The following PCDH15 variants were observed in gnomAD, a reference collection of about 807,000 sequenced individuals.
PCDH15 encodes the protein protocadherin related 15.
A neutral mutation model predicts 178.5 loss-of-function variants in PCDH15; 129 were observed. That is an observed-to-expected ratio of 0.72 (90% CI 0.63 to 0.84). The LOEUF is 0.84. Ranked by LOEUF, PCDH15 falls within the 40% of genes least tolerant of loss-of-function variation. The pLI, the probability that PCDH15 is intolerant of heterozygous loss-of-function variation, is 0.00. For missense variants in PCDH15, 2,230 were observed against 2,099.9 expected, an observed-to-expected ratio of 1.06 and a Z score of -1.21; for synonymous variants, 800 against 732.0, an observed-to-expected ratio of 1.09 and a Z score of -1.50.
In PCDH15 at chr10:55,231,911, A is replaced by G. The variant is rs944988295; in HGVS notation, c.-155-65260T>C. 1.5e-3 allele frequency among the ~76,000 whole-genome samples: 231 copies of G among 152,110 alleles called. 1 individual carries two copies. The highest frequency in any genetic ancestry group is 5.4e-3 in the African/African-American group (224 of 41,500). On this transcript the variant is annotated intron_variant, in intron 1 of 5. Transcript: ENST00000458638. ...GTAGAGGAATAAAATAATTTCTATA[A>G]TAAGATTAATAATAGGAAGGGTAAT...
At position 55,179,492 on chromosome 10, in the gene PCDH15, G is replaced by T. The variant is rs1249702796; in HGVS notation, c.-155-12841C>A. On this transcript the variant is annotated intron_variant, in intron 1 of 5. Coordinates refer to the PCDH15 transcript ENST00000458638. ...CTCCCTCAATTTGTTCCTTCTCGATGATACCTTTTAACCAAACTTTTTCCA... is the reference window on the plus strand; with the variant it reads ...CTCCCTCAATTTGTTCCTTCTCGATTATACCTTTTAACCAAACTTTTTCCA... Among the ~76,000 whole-genome samples, 3 of 151,858 alleles carry T rather than the reference G, an allele frequency of 2.0e-5. No homozygotes were observed. In the East Asian group the frequency reaches 5.8e-4, roughly 30 times the overall value.
intron 2 of PCDH15, among the ~76,000 whole-genome samples, chr10:54,573,154 G>A: frequency 6.6e-6 from 1 of 151,964 alleles, no homozygotes; most frequent in Non-Finnish European, 1.5e-5. Flanking sequence ...TTTCAGGAGT[G>A]GATAAAGGAT....
At chr10:54,568,134 T>C (rs1310679712) in intron 2 of PCDH15, among the ~76,000 whole-genome samples, 1 of 152,132 alleles carries the variant, frequency 6.6e-6, no homozygotes, top group East Asian at 1.9e-4. Context: ...TTTTTTTCCC[T>C]GTCATACACT....
chr10:54,223,738 G>A (rs186999461), intron 9 of PCDH15, among the ~76,000 whole-genome samples: 1 of 152,020 alleles, frequency 6.6e-6, no homozygotes, highest in East Asian at 1.9e-4. Context: ...AGAATCAGAA[G>A]ATGGATGTAC....
At chr10:54,770,644 AG>A (rs1431245652) in intron 1 of PCDH15, among the ~76,000 whole-genome samples, 3 of 152,030 alleles carry the variant, frequency 2.0e-5, no homozygotes, top group Non-Finnish European at 4.4e-5. Flanking sequence ...TAGTATACAA[AG>A]TCTTGGTACT....
intron 3 of PCDH15, among the ~76,000 whole-genome samples, chr10:54,422,118 T>C (rs938997501): frequency 2.0e-5 from 3 of 151,608 alleles, no homozygotes; most frequent in East Asian, 1.9e-4. Context: ...ATTGGATAGA[T>C]TGAGATTTGC....
At chr10:54,721,847 G>A (rs1167603094) in intron 1 of PCDH15, among the ~76,000 whole-genome samples, 1 of 151,812 alleles carries the variant, frequency 6.6e-6, no homozygotes, top group Non-Finnish European at 1.5e-5. Flanking sequence ...AAGGAGGAAA[G>A]ACTCCTCCTT....
intron 3 of PCDH15, among the ~76,000 whole-genome samples, chr10:54,853,633 A>G (rs1953684249): frequency 1.4e-5 from 2 of 144,272 alleles, no homozygotes; most frequent in East Asian, 2.1e-4. Context: ...AAAGCTCTGG[A>G]AAAAAAAAGA....
intron 2 of PCDH15, among the ~76,000 whole-genome samples, chr10:55,072,133 C>T (rs934785600): frequency 6.6e-6 from 1 of 151,850 alleles, no homozygotes; most frequent in Non-Finnish European, 1.5e-5. Flanking sequence ...TAAATGCCCA[C>T]AAGAGAAAGC....
chr10:54,022,295 A>G (rs2092947216), intron 19 of PCDH15, among the ~76,000 whole-genome samples: 1 of 152,072 alleles, frequency 6.6e-6, no homozygotes, highest in Admixed American at 6.6e-5. Context: ...GTCATTAAAA[A>G]GGAGAGTTAG....
chr10:55,341,354 A>G (rs1844550658), intron 2 of PCDH15, among the ~76,000 whole-genome samples: 1 of 152,102 alleles, frequency 6.6e-6, no homozygotes, highest in Non-Finnish European at 1.5e-5. Context: ...AAAGTAAGTA[A>G]CTATCATACT....
intron 1 of PCDH15, among the ~76,000 whole-genome samples, chr10:55,174,769 A>G (rs1839431880): frequency 6.6e-6 from 1 of 152,038 alleles, no homozygotes; most frequent in Non-Finnish European, 1.5e-5. Context: ...CATCCTAGAA[A>G]TCCTCATTTT....
intron 8 of PCDH15, among the ~76,000 whole-genome samples, chr10:54,280,521 G>C (rs939583861): frequency 6.6e-6 from 1 of 151,728 alleles, no homozygotes; most frequent in Non-Finnish European, 1.5e-5. Context: ...AATGGTGTAA[G>C]AGAATGCTTT....
intron 27 of PCDH15, among the ~76,000 whole-genome samples, chr10:53,860,487 T>C (rs1057234744): frequency 2.8e-4 from 42 of 152,084 alleles, no homozygotes; most frequent in African/African-American, 1.0e-3. Context: ...TCACAGCATT[T>C]TGGGAGACTG....
intron 2 of PCDH15, among the ~76,000 whole-genome samples, chr10:54,989,246 G>T (rs1839445821): frequency 1.3e-5 from 2 of 152,214 alleles, no homozygotes; most frequent in Non-Finnish European, 2.9e-5. Flanking sequence ...ACCTCTGTTA[G>T]AGCAGTGTAG....
At chr10:54,238,851 TG>T (rs2054926651) in intron 8 of PCDH15, among the ~76,000 whole-genome samples, 1 of 152,090 alleles carries the variant, frequency 6.6e-6, no homozygotes, top group African/African-American at 2.4e-5. Context: ...GTAATTTCAC[TG>T]AGGAATCTGA....
At chr10:54,793,031 T>C (rs1564460898) in intron 1 of PCDH15, among the ~76,000 whole-genome samples, 2 of 151,728 alleles carry the variant, frequency 1.3e-5, no homozygotes, top group Non-Finnish European at 2.9e-5. Context: ...GCTGACTTAA[T>C]TAAGGAGGCA....
chr10:54,591,251 T>C (rs1030457343), intron 2 of PCDH15, among the ~76,000 whole-genome samples: 1 of 152,156 alleles, frequency 6.6e-6, no homozygotes, highest in African/African-American at 2.4e-5. Flanking sequence ...AGAACCTCCA[T>C]ATGGAAAAAC....
At chr10:55,453,940 C>A (rs1839491117) in intron 2 of PCDH15, among the ~76,000 whole-genome samples, 1 of 152,046 alleles carries the variant, frequency 6.6e-6, no homozygotes, top group Non-Finnish European at 1.5e-5. Flanking sequence ...CCCTTCACAT[C>A]AGAATAAAAT....
Sources: allele counts gnomAD v4.1 joint callset (sites outside exome capture counted in the v4.1 genomes callset), GRCh38; gene constraint gnomAD v4.1.1; transcripts MANE v1.5; gene names NCBI Gene and HGNC (gene_info 2026-07-23, HGNC 2026-07-21).